MAGI2: variants seen among roughly 807,000 people sequenced by gnomAD.
MAGI2 encodes the protein membrane associated guanylate kinase, WW and PDZ domain containing 2, also known as membrane-associated guanylate kinase, WW and PDZ domain-containing protein 2.
Under a neutral mutation model 133.3 loss-of-function variants are expected in MAGI2, and 35 were observed. The ratio of observed to expected loss-of-function variants is 0.26; its 90% CI spans 0.20 to 0.35. The LOEUF (loss-of-function observed/expected upper bound fraction) is 0.35, where lower values mean the gene tolerates loss of function less well. Among genes scored for constraint, MAGI2 ranks in the 10% least tolerant of loss-of-function variants. The pLI, the probability that MAGI2 is intolerant of heterozygous loss-of-function variation, is 1.00. For missense variants in MAGI2, 1,636 were observed against 1,863.4 expected, an observed-to-expected ratio of 0.88 and a Z score of 2.25; for synonymous variants, 729 against 710.6, an observed-to-expected ratio of 1.03 and a Z score of -0.41.
chr7:78,981,628 C>T (rs1349662118), intron 2 of MAGI2, among the ~76,000 whole-genome samples: 2 of 151,766 alleles, frequency 1.3e-5, no homozygotes, highest in African/African-American at 4.8e-5. Context: ...CCGACTTTTT[C>T]AGAGGTAGAT....
intron 7 of MAGI2, among the ~76,000 whole-genome samples, chr7:78,361,114 G>A (rs1481739424): frequency 6.6e-6 from 1 of 152,102 alleles, no homozygotes; most frequent in Non-Finnish European, 1.5e-5. Context: ...AAAATGCTTG[G>A]GCCAGGCGTG....
chr7:78,847,915 G>GT (rs1261419567), intron 2 of MAGI2, among the ~76,000 whole-genome samples: 2 of 151,916 alleles, frequency 1.3e-5, no homozygotes, highest in African/African-American at 4.8e-5. Flanking sequence ...CTGGCATATG[G>GT]TAAGTATTTA....
chr7:78,591,150 T>G (rs763247477), intron 3 of MAGI2, among the ~76,000 whole-genome samples: 1 of 152,136 alleles, frequency 6.6e-6, no homozygotes, highest in Non-Finnish European at 1.5e-5. Flanking sequence ...AAGAAAGAAA[T>G]AAATACCATG....
At chr7:79,330,066 T>A (rs1297706414) in intron 1 of MAGI2, among the ~76,000 whole-genome samples, 2 of 151,550 alleles carry the variant, frequency 1.3e-5, no homozygotes, top group Non-Finnish European at 2.9e-5. Flanking sequence ...AGTTGCATAT[T>A]AAAACCTAGA....
chr7:79,186,751 GTA>G (rs67211187), intron 1 of MAGI2, among the ~76,000 whole-genome samples: 5,426 of 128,964 alleles, frequency 0.042, 301 homozygotes, highest in African/African-American at 0.096. Context: ...TTATACAAAA[GTA>G]TATATATATA....
intron 6 of MAGI2, among the ~76,000 whole-genome samples, chr7:78,460,878 G>A (rs1027614772): frequency 2.6e-5 from 4 of 151,732 alleles, no homozygotes; most frequent in African/African-American, 9.7e-5. Context: ...ACTGGCTTTG[G>A]GTCTCTTCTT....
At chr7:78,186,370 A>G (rs1827699484) in intron 12 of MAGI2, among the ~76,000 whole-genome samples, 1 of 152,080 alleles carries the variant, frequency 6.6e-6, no homozygotes, top group Non-Finnish European at 1.5e-5. Context: ...GTATTGGGAG[A>G]CATGTTGCTC....
At chr7:78,741,428 C>CACACAA (rs58979364) in intron 2 of MAGI2, among the ~76,000 whole-genome samples, 91 of 116,108 alleles carry the variant, frequency 7.8e-4, no homozygotes, top group Non-Finnish European at 1.3e-3. Flanking sequence ...CACACACACA[C>CACACAA]GGGAGGGGGG....
chr7:78,496,816 C>T (rs766489010), intron 5 of MAGI2, among the ~76,000 whole-genome samples: 4 of 152,066 alleles, frequency 2.6e-5, no homozygotes, highest in Admixed American at 6.6e-5. Flanking sequence ...GTCTACATCG[C>T]GTGAAAGTCT....
intron 20 of MAGI2, among the ~76,000 whole-genome samples, chr7:78,123,565 TAATC>T (rs1820678909): frequency 6.6e-6 from 1 of 152,214 alleles, no homozygotes; most frequent in Non-Finnish European, 1.5e-5. Context: ...GTCAATCTGA[TAATC>T]GAGAGGGCTG....
At position 78,427,195 on chromosome 7, in the gene MAGI2, G is replaced by A. The variant is rs898045299; in HGVS notation, c.1046-57982C>T. 4.3e-4 allele frequency among the ~76,000 whole-genome samples: 66 copies of A among 152,062 alleles called. 1 individual carries two copies. Among genetic ancestry groups the A allele is most frequent in the African/African-American group, 1.5e-3 (62 of 41,504 alleles). Reference sequence around the variant, plus strand: ...AGGAAAAAAGAAATAAAAAACTAATGGGGCAAATAGGAAGAATAACAAAAT... The same window carrying A: ...AGGAAAAAAGAAATAAAAAACTAATAGGGCAAATAGGAAGAATAACAAAAT... On this transcript the variant is annotated intron_variant, in intron 6 of 21. Coordinates refer to ENST00000354212, the MANE Select transcript of MAGI2 (RefSeq NM_012301.4).
intron 6 of MAGI2, among the ~76,000 whole-genome samples, chr7:78,379,738 A>G (rs931048796): frequency 6.6e-6 from 1 of 152,024 alleles, no homozygotes; most frequent in African/African-American, 2.4e-5. Context: ...TCATACTACA[A>G]TAATAGAAAA....
intron 9 of MAGI2, among the ~76,000 whole-genome samples, chr7:78,271,351 T>A (rs2150986480): frequency 6.6e-6 from 1 of 152,294 alleles, no homozygotes; most frequent in South Asian, 2.1e-4. Context: ...CTGGATTCGG[T>A]TTGCCAGTAT....
intron 9 of MAGI2, among the ~76,000 whole-genome samples, chr7:78,274,429 G>A (rs1184684580): frequency 1.3e-5 from 2 of 152,198 alleles, no homozygotes; most frequent in Admixed American, 6.5e-5. Flanking sequence ...GGACCCACTT[G>A]AGGAGGCAGT....
chr7:78,212,618 G>GT (rs1787879315), intron 10 of MAGI2, among the ~76,000 whole-genome samples: 1 of 152,220 alleles, frequency 6.6e-6, no homozygotes, highest in African/African-American at 2.4e-5. Flanking sequence ...TATAAGGTCA[G>GT]TTTATATTGT....
intron 1 of MAGI2, among the ~76,000 whole-genome samples, chr7:79,334,675 C>G (rs963185764): frequency 6.6e-6 from 1 of 152,138 alleles, no homozygotes; most frequent in Non-Finnish European, 1.5e-5. Flanking sequence ...TACCTCTAGC[C>G]ATATTGCTCT....
chr7:79,405,315 A>G (rs1424837263), intron 1 of MAGI2, among the ~76,000 whole-genome samples: 3 of 152,174 alleles, frequency 2.0e-5, no homozygotes, highest in African/African-American at 7.2e-5. Context: ...GCTGTTCAAA[A>G]TGTTATCATT....
At chr7:78,405,006 T>A (rs1397111782) in intron 6 of MAGI2, among the ~76,000 whole-genome samples, 1 of 151,964 alleles carries the variant, frequency 6.6e-6, no homozygotes, top group Non-Finnish European at 1.5e-5. Context: ...AGTTAACTCG[T>A]TAATGGTTTC....
intron 3 of MAGI2, among the ~76,000 whole-genome samples, chr7:78,567,386 TACACACTACACAC>T (rs1180922601): frequency 6.2e-5 from 8 of 128,464 alleles, no homozygotes; most frequent in African/African-American, 2.5e-4. Flanking sequence ...AAAGAGAGCC[TACACACTACACAC>T]ACACACACAC....
Sources: allele counts gnomAD v4.1 joint callset (sites outside exome capture counted in the v4.1 genomes callset), GRCh38; gene constraint gnomAD v4.1.1; transcripts MANE v1.5; gene names NCBI Gene and HGNC (gene_info 2026-07-23, HGNC 2026-07-21).